SLC24A1: variants seen among roughly 807,000 people sequenced by gnomAD.
The protein encoded by SLC24A1 is solute carrier family 24 member 1.
Under a neutral mutation model 88.1 loss-of-function variants are expected in SLC24A1, and 52 were observed. The observed-to-expected ratio is 0.59, with a 90% CI of 0.47 to 0.74. SLC24A1 has a LOEUF of 0.74. Ranked by LOEUF, SLC24A1 falls within the 30% of genes least tolerant of loss-of-function variation. The pLI is 0.00. For synonymous variants in SLC24A1, 455 were observed against 498.0 expected (o/e 0.91, Z 1.15); for missense variants, 1,173 against 1,363.3 (o/e 0.86, Z 2.20).
At chr15:65,658,117 T>G (rs1418698272), downstream of SLC24A1, 1 of 152,236 alleles carries the variant, frequency 6.6e-6, no homozygotes, top group Non-Finnish European at 1.5e-5. Flanking sequence ...TGCGCAGACT[T>G]TTGTAATCAA....
chr15:65,635,106 G>A (rs753391523), intron 2 of SLC24A1, among the ~76,000 whole-genome samples: 3 of 152,112 alleles, frequency 2.0e-5, no homozygotes, highest in Non-Finnish European at 4.4e-5. Flanking sequence ...GCACCATGGG[G>A]CAAAGATCAG....
chr15:65,625,060 C>T lies in SLC24A1; in HGVS notation c.980C>T (p.Thr327Ile), dbSNP rs746176031. 30 of 1,613,802 alleles carry T rather than the reference C, an allele frequency of 1.9e-5. No individual in the cohort carries two copies. The highest frequency in any genetic ancestry group is 2.5e-5 in the Non-Finnish European group (29 of 1,179,868). The change falls in exon 2 of 10, where the codon ACC becomes ATC. Residue 327 changes from threonine to isoleucine, a missense_variant. Coordinates refer to ENST00000261892, the MANE Select transcript of SLC24A1 (RefSeq NM_004727.3). Reference sequence around the variant, plus strand: ...TCTGAGGGGCAGGTGACAATAAGCACCATGACAGGCAGCAGCCCAGCAGAA... The same window carrying T: ...TCTGAGGGGCAGGTGACAATAAGCATCATGACAGGCAGCAGCCCAGCAGAA... ...ATSEGQVTIS[T>I]MTGSSPAETK...
intron 3 of SLC24A1, 68 bp downstream of exon 3, chr15:65,638,249 G>T: frequency 1.8e-6 from 2 of 1,129,906 alleles, no homozygotes; most frequent in South Asian, 1.3e-5. Flanking sequence ...ACAGGCCCAG[G>T]GTATTGTGGC....
At chr15:65,640,902 A>C (rs2075103182) in intron 4 of SLC24A1, among the ~76,000 whole-genome samples, 1 of 151,642 alleles carries the variant, frequency 6.6e-6, no homozygotes, top group Admixed American at 6.6e-5. Flanking sequence ...CTACTAAAAT[A>C]CAAAAAAAAT....
In SLC24A1 at chr15:65,625,408, A is replaced by T; in HGVS notation, c.1328A>T (p.Asp443Val). The change falls in exon 2 of 10, where the codon GAT becomes GTT. Residue 443 changes from aspartate (D) to valine (V), a missense_variant. Physicochemically the swap from Asp to Val is radical, Grantham distance 152. Coordinates refer to ENST00000261892, the MANE Select transcript of SLC24A1 (RefSeq NM_004727.3). Reference protein sequence around the residue: ...DLHPKGEYPPDLFSVEERRQG... With the variant: ...DLHPKGEYPPVLFSVEERRQG... ...CACCCCAAGGGAGAGTACCCCCCAG[A>T]TCTGTTCAGTGTGGAGGAGCGGCGG... 1 of 1,613,920 alleles carries T rather than the reference A, an allele frequency of 6.2e-7. No homozygotes were observed.
In SLC24A1 at chr15:65,654,865, T is replaced by C; in HGVS notation, c.*786T>C. On this transcript the variant is annotated 3_prime_UTR_variant, in exon 10 of 10. Transcript: ENST00000261892. ...TGCCCGCCTCGGCCTCCCAAAGTGC[T>C]GGGATTACAGGCGTCAGCCACCGCG... 4 of 1,155,284 alleles carry C rather than the reference T, an allele frequency of 3.5e-6. No individual in the cohort carries two copies. Among genetic ancestry groups the C allele is most frequent in the Non-Finnish European group, 4.4e-6 (4 of 909,824 alleles). 71.6% of individuals were successfully genotyped at this position (1,155,284 alleles called of 1,614,324 possible). A position where few individuals can be genotyped will look rare whatever the true frequency, so the allele number is the denominator to read the frequency against.
chr15:65,656,054 G>A lies in SLC24A1; in HGVS notation c.*1975G>A. On this transcript the variant is annotated 3_prime_UTR_variant, in exon 10 of 10. Coordinates refer to ENST00000261892, the MANE Select transcript of SLC24A1 (RefSeq NM_004727.3). ...CAGGAGGAGAAGGCAATGCTTGTGG[G>A]AGGGAGGTCCCAATACCAAAATTCT... 1 of 985,400 alleles carries A rather than the reference G, an allele frequency of 1.0e-6. No individual in the cohort carries two copies. Among genetic ancestry groups the A allele is most frequent in the Non-Finnish European group, 1.2e-6 (1 of 829,918 alleles). 61.0% of individuals were successfully genotyped at this position (985,400 alleles called of 1,614,324 possible).
chr15:65,635,112 A>G (rs1353411183), intron 2 of SLC24A1, among the ~76,000 whole-genome samples: 1 of 152,144 alleles, frequency 6.6e-6, no homozygotes, highest in African/African-American at 2.4e-5. Context: ...TGGGGCAAAG[A>G]TCAGTCTCTC....
At position 65,644,419 on chromosome 15, in the gene SLC24A1, ATTTGC is replaced by A; in HGVS notation, c.2054-7_2054-3del. Reference sequence around the variant, plus strand: ...CCAGGTAAGATGTATGTCCTGTCTCATTTGCAGTTCGCCTTGCCAAGGAGAAGGAG... The same window carrying A: ...CCAGGTAAGATGTATGTCCTGTCTCAAGTTCGCCTTGCCAAGGAGAAGGAG... On this transcript the variant is annotated splice_region_variant and splice_polypyrimidine_tract_variant and intron_variant, in intron 4 of 9. Coordinates refer to ENST00000261892, the MANE Select transcript of SLC24A1 (RefSeq NM_004727.3). 1 of 1,571,344 alleles carries A rather than the reference ATTTGC, an allele frequency of 6.4e-7. No individual in the cohort carries two copies. The highest frequency in any genetic ancestry group is 1.7e-4 in the Middle Eastern group (1 of 6,016).
chr15:65,650,280 A>T lies in SLC24A1; in HGVS notation c.2233-102A>T. Reference sequence around the variant, plus strand: ...GTTTTCTCCTCATACTTAAGTTTTCAGATACCTTCTGAGAAGCACGCCAAC... The same window carrying T: ...GTTTTCTCCTCATACTTAAGTTTTCTGATACCTTCTGAGAAGCACGCCAAC... On this transcript the variant is annotated intron_variant, in intron 6 of 9. Transcript: ENST00000261892. This position sits in a 1 kb window ranked among gnomAD's most constrained non-coding sequence, Gnocchi z 4.1. The T allele has an allele frequency of 2.1e-6, 2 of 938,500 alleles. No homozygotes were observed. The highest frequency in any genetic ancestry group is 3.2e-6 in the Non-Finnish European group (2 of 628,452). The allele number at this position is 938,500 out of a possible 1,614,324, so 58.1% of individuals were successfully genotyped here.
intron 2 of SLC24A1, among the ~76,000 whole-genome samples, chr15:65,627,574 A>G (rs2141488327): frequency 6.6e-6 from 1 of 152,318 alleles, no homozygotes; most frequent in Non-Finnish European, 1.5e-5. Context: ...GGCTTAGAGC[A>G]TTACAGAATT....
At position 65,654,655 on chromosome 15, in the gene SLC24A1, T is replaced by A; in HGVS notation, c.*576T>A. The A allele has an allele frequency of 5.5e-6, 7 of 1,271,864 alleles. No individual in the cohort carries two copies. The highest frequency in any genetic ancestry group is 7.1e-6 in the Non-Finnish European group (7 of 984,182). 78.8% of individuals were successfully genotyped at this position (1,271,864 alleles called of 1,614,324 possible). A position where few individuals can be genotyped will look rare whatever the true frequency, so the allele number is the denominator to read the frequency against. On this transcript the variant is annotated 3_prime_UTR_variant, in exon 10 of 10. Coordinates refer to ENST00000261892, the MANE Select transcript of SLC24A1 (RefSeq NM_004727.3). ...AAAAAAGAAATATAACAGGAATTAA[T>A]GATCATTCCACGTTTTGTAGCCCAC...
In SLC24A1 at chr15:65,655,875, T is replaced by G. The variant is rs983910748; in HGVS notation, c.*1796T>G. On this transcript the variant is annotated 3_prime_UTR_variant, in exon 10 of 10. Transcript: ENST00000261892. ...CCCAATGGTATTTTACTTTACAACATGGATGGGCTCATCCTTATCTTTAGG... is the reference window on the plus strand; with the variant it reads ...CCCAATGGTATTTTACTTTACAACAGGGATGGGCTCATCCTTATCTTTAGG... 8 of 985,088 alleles carry G rather than the reference T, an allele frequency of 8.1e-6. No individual in the cohort carries two copies. Among genetic ancestry groups the G allele is most frequent in the Non-Finnish European group, 9.6e-6 (8 of 829,722 alleles). 61.0% of individuals were successfully genotyped at this position (985,088 alleles called of 1,614,324 possible). A position where few individuals can be genotyped will look rare whatever the true frequency, so the allele number is the denominator to read the frequency against.
Position 65,650,159 on chromosome 15 carries a change from G to C in SLC24A1, c.2233-223G>C, listed in dbSNP as rs766564417. Among the ~76,000 whole-genome samples the C allele has an allele frequency of 2.0e-5, 3 of 152,186 alleles. No individual in the cohort carries two copies. Among genetic ancestry groups the C allele is most frequent in the Non-Finnish European group, 2.9e-5 (2 of 68,038 alleles). ...CCAAAGATGACAGAAGCTGCTTCAG[G>C]TGGTGAGCTTTCCACCCCTGGAAAT... On this transcript the variant is annotated intron_variant, in intron 6 of 9. Transcript: ENST00000261892. The surrounding 1 kb of genome is among the most constrained non-coding windows in gnomAD (Gnocchi z 4.1).
At position 65,656,047 on chromosome 15, in the gene SLC24A1, C is replaced by T; in HGVS notation, c.*1968C>T. 1 of 985,344 alleles carries T rather than the reference C, an allele frequency of 1.0e-6. No individual in the cohort carries two copies. Among genetic ancestry groups the T allele is most frequent in the Non-Finnish European group, 1.2e-6 (1 of 829,910 alleles). 61.0% of individuals were successfully genotyped at this position (985,344 alleles called of 1,614,324 possible). On this transcript the variant is annotated 3_prime_UTR_variant, in exon 10 of 10. Coordinates refer to ENST00000261892, the MANE Select transcript of SLC24A1 (RefSeq NM_004727.3). Reference sequence around the variant, plus strand: ...CTAAGAACAGGAGGAGAAGGCAATGCTTGTGGGAGGGAGGTCCCAATACCA... The same window carrying T: ...CTAAGAACAGGAGGAGAAGGCAATGTTTGTGGGAGGGAGGTCCCAATACCA...
upstream of SLC24A1, among the ~76,000 whole-genome samples, chr15:65,618,214 C>T (rs970292885): frequency 1.6e-4 from 25 of 152,066 alleles, no homozygotes; most frequent in African/African-American, 5.8e-4. Context: ...ATTGTCTCTA[C>T]GTATGTATGT....
chr15:65,617,014 G>C (rs1000567995), upstream of SLC24A1, among the ~76,000 whole-genome samples: 2 of 152,134 alleles, frequency 1.3e-5, no homozygotes, highest in African/African-American at 4.8e-5. Flanking sequence ...TTTCAGGTTT[G>C]TCAAAGATCA....
chr15:65,638,042 A>T, intron 2 of SLC24A1, 86 bp from the exon 3 acceptor site: 1 of 904,364 alleles, frequency 1.1e-6, no homozygotes, highest in Non-Finnish European at 1.8e-6. Context: ...CTGTATTTCA[A>T]CCTGAGGACT....
At chr15:65,627,273 C>T (rs73486759) in intron 2 of SLC24A1, among the ~76,000 whole-genome samples, 1,855 of 152,234 alleles carry the variant, frequency 0.012, 40 homozygotes, top group African/African-American at 0.043. Flanking sequence ...ATGACAGAGT[C>T]CAACTAATCA....
Sources: allele counts gnomAD v4.1 joint callset (sites outside exome capture counted in the v4.1 genomes callset), GRCh38; gene constraint gnomAD v4.1.1; non-coding constraint Gnocchi (gnomAD v3.1); transcripts MANE v1.5; gene names NCBI Gene and HGNC (gene_info 2026-07-23, HGNC 2026-07-21).